The following CWH43 variants were observed in gnomAD, a reference collection of about 807,000 sequenced individuals.
The protein encoded by CWH43 is PGAP2-interacting protein.
CWH43 carries 91 observed loss-of-function variants against 85.7 expected under a neutral mutation model. The ratio of observed to expected loss-of-function variants is 1.06; its 90% CI spans 0.90 to 1.26. The LOEUF (loss-of-function observed/expected upper bound fraction) is 1.26, where lower values mean the gene tolerates loss of function less well. Ranked by LOEUF, CWH43 falls within the 50% of genes most tolerant of loss-of-function variation. The pLI, the probability that CWH43 is intolerant of heterozygous loss-of-function variation, is 0.00. For missense variants in CWH43, 869 were observed against 839.2 expected, an observed-to-expected ratio of 1.04 and a Z score of -0.44; for synonymous variants, 323 against 293.6, an observed-to-expected ratio of 1.10 and a Z score of -1.02.
At chr4:48,998,403 T>C in intron 5 of CWH43, 57 bp from the exon 6 acceptor site, 1 of 1,302,822 alleles carries the variant, frequency 7.7e-7, no homozygotes, top group Non-Finnish European at 1.1e-6. Flanking sequence ...TATTTTATAT[T>C]CGGGATGATG....
At chr4:49,033,134 G>T (rs1437437495) in intron 12 of CWH43, among the ~76,000 whole-genome samples, 1 of 152,144 alleles carries the variant, frequency 6.6e-6, no homozygotes, top group Non-Finnish European at 1.5e-5. Flanking sequence ...GGTTACAAGT[G>T]CTTGCAACCA....
At chr4:49,020,414 C>T (rs199704806) in intron 9 of CWH43, among the ~76,000 whole-genome samples, 450 of 57,622 alleles carry the variant, frequency 7.8e-3, no homozygotes, top group African/African-American at 0.014. Flanking sequence ...CACACACACA[C>T]ACATATATAT....
In CWH43 at chr4:49,032,812, C is replaced by T; in HGVS notation, c.1658+97C>T. 6.3e-6 allele frequency: 9 copies of T among 1,426,036 alleles called. No homozygotes were observed. In the South Asian group the frequency reaches 1.1e-4, roughly 18 times the overall value. The allele number at this position is 1,426,036 out of a possible 1,614,324, so 88.3% of individuals were successfully genotyped here. ...ATGAAATCACCTTTCTCATTTTCTTCTTTTTTACCTCCCAAAGTATTTCTC... is the reference window on the plus strand; with the variant it reads ...ATGAAATCACCTTTCTCATTTTCTTTTTTTTTACCTCCCAAAGTATTTCTC... On this transcript the variant is annotated intron_variant, in intron 12 of 15. Coordinates refer to ENST00000226432, the MANE Select transcript of CWH43 (RefSeq NM_025087.3).
chr4:49,048,701 T>A (rs1784707367), intron 14 of CWH43, among the ~76,000 whole-genome samples: 1 of 152,070 alleles, frequency 6.6e-6, no homozygotes, highest in South Asian at 2.1e-4. Context: ...TCCTTTAGGA[T>A]CAGGCCCCCC....
In CWH43 at chr4:49,053,664, C is replaced by T. The variant is rs199912190; in HGVS notation, c.2021+2815C>T. Reference sequence around the variant, plus strand: ...TTCTTGCTATTAAGTTTTTTGAGTTCCCTATATGTTTTGGATATTAGCCGT... The same window carrying T: ...TTCTTGCTATTAAGTTTTTTGAGTTTCCTATATGTTTTGGATATTAGCCGT... On this transcript the variant is annotated intron_variant, in intron 15 of 15. Coordinates refer to ENST00000226432, the MANE Select transcript of CWH43 (RefSeq NM_025087.3). Among the ~76,000 whole-genome samples, 3 of 152,132 alleles carry T rather than the reference C, an allele frequency of 2.0e-5. No individual in the cohort carries two copies. The East Asian group carries it at 5.8e-4, about 29-fold the overall frequency.
intron 8 of CWH43, chr4:49,016,815 G>A (rs1208117441): frequency 1.5e-5 from 12 of 777,140 alleles, no homozygotes; most frequent in Non-Finnish European, 2.9e-5. Context: ...CAGAGCACGG[G>A]CCACTTTCTG....
At position 48,988,635 on chromosome 4, in the gene CWH43, T is replaced by C. The variant is rs1177035226; in HGVS notation, c.202T>C (p.Trp68Arg). ...TTTCTGGAAATTGGTTAACAAGAAGTGGATGCTAACCCTGCTGAGGATAAT... is the reference window on the plus strand; with the variant it reads ...TTTCTGGAAATTGGTTAACAAGAAGCGGATGCTAACCCTGCTGAGGATAAT... ...TPFWKLVNKK[W>R]MLTLLRIITI... The change falls in exon 2 of 16, where the codon TGG (tryptophan) becomes CGG (arginine). Residue 68 changes from tryptophan (W) to arginine (R), a missense_variant. Transcript: ENST00000226432. 1 of 1,612,668 alleles carries C rather than the reference T, an allele frequency of 6.2e-7. No individual in the cohort carries two copies. The highest frequency in any genetic ancestry group is 1.3e-5 in the African/African-American group (1 of 75,034).
intron 8 of CWH43, among the ~76,000 whole-genome samples, chr4:49,011,138 T>A (rs995699207): frequency 6.6e-6 from 1 of 152,194 alleles, no homozygotes; most frequent in Non-Finnish European, 1.5e-5. Context: ...TCTAAGGACT[T>A]GCTTTATGAA....
intron 12 of CWH43, among the ~76,000 whole-genome samples, chr4:49,037,402 C>G: frequency 6.6e-6 from 1 of 152,142 alleles, no homozygotes; most frequent in East Asian, 1.9e-4. Context: ...AATGCTGTCT[C>G]TACTAAAAAT....
chr4:49,006,158 T>C (rs572713584), intron 7 of CWH43, among the ~76,000 whole-genome samples: 3 of 152,284 alleles, frequency 2.0e-5, no homozygotes, highest in Non-Finnish European at 2.9e-5. Context: ...TTTTTTCTTA[T>C]ACCAGCTTGC....
chr4:48,986,518 G>A (rs1782500062), intron 1 of CWH43, 46 bp downstream of exon 1: 39 of 1,549,274 alleles, frequency 2.5e-5, no homozygotes, highest in Non-Finnish European at 3.0e-5. Flanking sequence ...CCAGCTCCCC[G>A]GGCCATGTCC....
At chr4:49,057,530 A>G (rs1162157802) in intron 15 of CWH43, among the ~76,000 whole-genome samples, 1 of 152,138 alleles carries the variant, frequency 6.6e-6, no homozygotes, top group African/African-American at 2.4e-5. Flanking sequence ...TAGCTTAGTG[A>G]TTTTGGGGTC....
rs376907403 is a variant in CWH43 at position 49,004,993 on chromosome 4, A to G, written c.1060+1001A>G. Among the ~76,000 whole-genome samples the G allele has an allele frequency of 2.2e-4, 34 of 152,330 alleles. 1 individual carries two copies. In the South Asian group the frequency reaches 6.8e-3, roughly 31 times the overall value. ...AATGTTGTGAATCATTTTAGTTTAC[A>G]TAATTTTAGCTTAAGTAACATGTCA... On this transcript the variant is annotated intron_variant, in intron 7 of 15. Transcript: ENST00000226432.
At chr4:49,024,937 C>T (rs1783862062) in intron 9 of CWH43, among the ~76,000 whole-genome samples, 1 of 152,090 alleles carries the variant, frequency 6.6e-6, no homozygotes, top group Non-Finnish European at 1.5e-5. Context: ...ATTATTCCCT[C>T]AAATCTGTTT....
intron 8 of CWH43, among the ~76,000 whole-genome samples, chr4:49,012,496 G>A (rs1013059188): frequency 5.3e-5 from 8 of 152,158 alleles, no homozygotes; most frequent in South Asian, 2.1e-4. Context: ...GTCATTCTCC[G>A]TCCAGCTTTG....
chr4:49,007,955 A>G (rs1783219244), intron 8 of CWH43, among the ~76,000 whole-genome samples: 1 of 152,212 alleles, frequency 6.6e-6, no homozygotes. Flanking sequence ...TCTTTATAGT[A>G]GCATGATTTA....
At chr4:48,997,057 G>T (rs149117183) in intron 5 of CWH43, among the ~76,000 whole-genome samples, 1 of 152,206 alleles carries the variant, frequency 6.6e-6, no homozygotes, top group East Asian at 1.9e-4. Context: ...AGAGACTTTT[G>T]CAGGTTTCCT....
At chr4:48,998,688 T>A in intron 6 of CWH43, 140 bp downstream of exon 6, 1 of 663,262 alleles carries the variant, frequency 1.5e-6, no homozygotes, top group Non-Finnish European at 2.7e-6. Context: ...AAACAGCAAC[T>A]ATAATGCAGA....
intron 8 of CWH43, among the ~76,000 whole-genome samples, chr4:49,011,695 A>G (rs1198579906): frequency 6.6e-6 from 1 of 152,152 alleles, no homozygotes; most frequent in Non-Finnish European, 1.5e-5. Flanking sequence ...AAAATCTCTC[A>G]GCATTTGCTT....
Sources: gnomAD v4.1 joint callset for allele counts (sites outside exome capture counted in the v4.1 genomes callset) on GRCh38, gnomAD v4.1.1 for gene constraint, MANE v1.5 for transcripts, NCBI Gene and HGNC (gene_info 2026-07-23, HGNC 2026-07-21) for gene names.